LZTR1: variants seen among roughly 807,000 people sequenced by gnomAD.
The protein encoded by LZTR1 is leucine-zipper-like transcriptional regulator 1.
LZTR1 carries 260 observed loss-of-function variants against 105.7 expected under a neutral mutation model. The observed-to-expected ratio is 2.46, with a 90% CI of 2.22 to 2.72. The LOEUF (loss-of-function observed/expected upper bound fraction) is 2.72, where lower values mean the gene tolerates loss of function less well. Among genes scored for constraint, LZTR1 ranks in the 30% most tolerant of loss-of-function variants. The pLI, the probability that LZTR1 is intolerant of heterozygous loss-of-function variation, is 0.00. For missense variants in LZTR1, 1,214 were observed against 1,166.9 expected, an observed-to-expected ratio of 1.04 and a Z score of -0.59; for synonymous variants, 490 against 476.4, an observed-to-expected ratio of 1.03 and a Z score of -0.37.
In LZTR1 at chr22:20,990,711, C is replaced by T. The variant is rs58324299; in HGVS notation, c.791+186C>T. ...CTGGCAGGTCCCCAGGATATGGCTA[C>T]AGCTTAGCAAGATAAGGCCTGGCGA... On this transcript the variant is annotated intron_variant, in intron 8 of 20. Coordinates refer to ENST00000646124, the MANE Select transcript of LZTR1 (RefSeq NM_006767.4). The T allele has an allele frequency of 0.022, 13,383 of 620,166 alleles. 823 individuals are homozygous for T. The highest frequency in any genetic ancestry group is 0.18 in the East Asian group (6,210 of 34,324). 38.4% of individuals were successfully genotyped at this position (620,166 alleles called of 1,614,324 possible).
chr22:20,984,611 GGA>G (rs199709748), intron 2 of LZTR1, among the ~76,000 whole-genome samples: 1,236 of 86,256 alleles, frequency 0.014, 86 homozygotes, highest in South Asian at 0.034. Context: ...GGGCAAGTAA[GGA>G]GGGGGGGGGG....
intron 3 of LZTR1, 94 bp downstream of exon 3, chr22:20,985,991 T>G (rs1924367764): frequency 7.5e-7 from 1 of 1,338,096 alleles, no homozygotes; most frequent in African/African-American, 1.4e-5. Context: ...TCTCTCATCA[T>G]GGGAAGCTAG....
rs1261557072 is a variant in LZTR1, at chr22:20,998,394, G to A, written c.*1046G>A. The stretch of plus-strand genomic sequence containing the variant: ...TATGCTCTTGGCTCCTGTGGAAGGA[G>A]GGCTGCCCTCTTGCCCTAGTGAGGG... On this transcript the variant is annotated 3_prime_UTR_variant, in exon 21 of 21. Coordinates refer to ENST00000646124, the MANE Select transcript of LZTR1 (RefSeq NM_006767.4). 6.6e-6 allele frequency: 1 copy of A among 152,378 alleles called. No homozygotes were observed. Among genetic ancestry groups the A allele is most frequent in the Non-Finnish European group, 1.5e-5 (1 of 68,164 alleles). 9.4% of individuals were successfully genotyped at this position (152,378 alleles called of 1,614,324 possible).
chr22:20,996,360 G>A, intron 18 of LZTR1: 1 of 598,974 alleles, frequency 1.7e-6, no homozygotes, highest in South Asian at 2.0e-5. Flanking sequence ...AGAGGACGGG[G>A]TGGGTCATTG....
chr22:20,995,597 T>C, intron 16 of LZTR1, 149 bp from the exon 17 acceptor site: 1 of 955,414 alleles, frequency 1.0e-6, no homozygotes, highest in Non-Finnish European at 1.6e-6. Context: ...AGAATGTGGC[T>C]GATGGTACCT....
chr22:20,993,388 G>T, intron 11 of LZTR1: 1 of 557,396 alleles, frequency 1.8e-6, no homozygotes, highest in South Asian at 2.1e-5. Context: ...GCAGAGCTCT[G>T]CTGAGGCCTG....
intron 20 of LZTR1, 102 bp downstream of exon 20, chr22:20,997,068 C>A: frequency 7.7e-7 from 1 of 1,296,254 alleles, no homozygotes; most frequent in Non-Finnish European, 1.1e-6. Context: ...CAGTGGTGGG[C>A]CCTGGGGGTG....
Position 20,987,489 on chromosome 22 carries a change from CT to C in LZTR1, c.321-14del, listed in dbSNP as rs1289742573. The C allele has an allele frequency of 1.3e-6, 2 of 1,574,310 alleles. No individual in the cohort carries two copies. The highest frequency in any genetic ancestry group is 1.5e-5 in the African/African-American group (1 of 65,744). ...TGACCCCCGCTGACTCTCACCACCC[CT>C]GTGCCCACCCCAGGGCCTTTACCAC... On this transcript the variant is annotated splice_polypyrimidine_tract_variant and intron_variant, in intron 3 of 20. Transcript: ENST00000646124.
At position 20,994,922 on chromosome 22, in the gene LZTR1, T is replaced by G. The variant is rs963149046; in HGVS notation, c.1838T>G (p.Met613Arg). 6.2e-7 allele frequency: 1 copy of G among 1,613,254 alleles called. No homozygotes were observed. Among genetic ancestry groups the G allele is most frequent in the African/African-American group, 1.3e-5 (1 of 74,910 alleles). The change falls in exon 16 of 21, where the codon ATG becomes AGG. Residue 613 changes from methionine to arginine, a missense_variant. Met to Arg is a moderately conservative substitution (Grantham distance 91). Coordinates refer to ENST00000646124, the MANE Select transcript of LZTR1 (RefSeq NM_006767.4). Reference protein sequence around the residue: ...VKESHFNQVIMMKEFERLSSP... With the variant: ...VKESHFNQVIRMKEFERLSSP... Reference sequence around the variant, plus strand: ...GAGTCCCACTTCAACCAGGTGATCATGATGAAGGAGTTCGAGCGCCTCTCC... The same window carrying G: ...GAGTCCCACTTCAACCAGGTGATCAGGATGAAGGAGTTCGAGCGCCTCTCC...
chr22:20,992,159 G>T, intron 9 of LZTR1, 55 bp from the exon 10 acceptor site: 1 of 1,552,034 alleles, frequency 6.4e-7, no homozygotes, highest in Non-Finnish European at 8.8e-7. Flanking sequence ...GGGTCTCTGG[G>T]CACCTACCTG....
chr22:20,991,423 G>A, intron 8 of LZTR1: 1 of 580,464 alleles, frequency 1.7e-6, no homozygotes, highest in Non-Finnish European at 3.1e-6. Context: ...CCTGCGGTGG[G>A]CCACATGGAG....
At chr22:20,995,202 A>C (rs1924786787) in intron 16 of LZTR1, 176 bp downstream of exon 16, 1 of 739,454 alleles carries the variant, frequency 1.4e-6, no homozygotes, top group Non-Finnish European at 2.3e-6. Context: ...GAAGCCCCCG[A>C]CCCATGGGGC....
At chr22:20,996,139 A>G in intron 18 of LZTR1, 27 bp downstream of exon 18, 1 of 1,606,430 alleles carries the variant, frequency 6.2e-7, no homozygotes. Flanking sequence ...GTGAACTCCC[A>G]GGTCCCCACC....
At position 20,992,235 on chromosome 22, in the gene LZTR1, G is replaced by T. The variant is rs780578255; in HGVS notation, c.1015G>T (p.Glu339Ter). The change falls in exon 10 of 21, where the codon GAG becomes TAG. Residue 339 changes from glutamate (E) to a stop codon, truncating the protein, a stop_gained. Coordinates refer to ENST00000646124, the MANE Select transcript of LZTR1 (RefSeq NM_006767.4). LOFTEE classifies it high-confidence loss of function. ...TCAGGTTGGTGGGGCTGAAGTGCCCGAGCGAGCCTGTGCTTCCGAGGAGGT... is the reference window on the plus strand; with the variant it reads ...TCAGGTTGGTGGGGCTGAAGTGCCCTAGCGAGCCTGTGCTTCCGAGGAGGT... ...DSEVGGAEVP[E>*]RACASEEVPT... The T allele has an allele frequency of 6.2e-7, 1 of 1,613,704 alleles. No individual in the cohort carries two copies. Among genetic ancestry groups the T allele is most frequent in the South Asian group, 1.1e-5 (1 of 91,068 alleles).
At position 20,994,917 on chromosome 22, in the gene LZTR1, G is replaced by C. The variant is rs770260964; in HGVS notation, c.1833G>C (p.Val611=). 1.6e-5 allele frequency: 26 copies of C among 1,613,426 alleles called. No individual in the cohort carries two copies. The highest frequency in any genetic ancestry group is 2.5e-6 in the Non-Finnish European group (3 of 1,180,010). ...TAAAGGAGTCCCACTTCAACCAGGTGATCATGATGAAGGAGTTCGAGCGCC... is the reference window on the plus strand; with the variant it reads ...TAAAGGAGTCCCACTTCAACCAGGTCATCATGATGAAGGAGTTCGAGCGCC... ...FVVKESHFNQ[V]IMMKEFERLS... The change falls in exon 16 of 21, where the codon GTG becomes GTC. Residue 611 remains valine (V), a synonymous_variant. Transcript: ENST00000646124.
At chr22:20,987,191 C>A in intron 3 of LZTR1, 1 of 241,672 alleles carries the variant, frequency 4.1e-6, no homozygotes. Flanking sequence ...GTCAGAACTT[C>A]AAGACCAGCC....
rs1469540056 is a variant in LZTR1 at position 20,982,433 on chromosome 22, G to T, written c.62G>T (p.Arg21Leu). ...IGAAALAGGA[R>L]SKVAPSVDFD... The stretch of plus-strand genomic sequence containing the variant: ...GCTGCGGCCCTGGCAGGCGGCGCGC[G>T]GTCCAAGGTAGCCCCGAGCGTGGAC... The change falls in exon 1 of 21, where the codon CGG becomes CTG. Residue 21 changes from arginine to leucine, a missense_variant. By Grantham distance (102) the Arg-to-Leu change is moderately radical (BLOSUM62 -2). Coordinates refer to ENST00000646124, the MANE Select transcript of LZTR1 (RefSeq NM_006767.4). The T allele has an allele frequency of 6.3e-7, 1 of 1,582,614 alleles. No individual in the cohort carries two copies. Among genetic ancestry groups the T allele is most frequent in the Admixed American group, 1.8e-5 (1 of 55,422 alleles).
chr22:20,993,336 G>A, intron 11 of LZTR1: 1 of 485,998 alleles, frequency 2.1e-6, no homozygotes, highest in Non-Finnish European at 3.7e-6. Context: ...ATGTGCTGGT[G>A]GGGGCCAGTG....
In LZTR1 at chr22:20,985,831, T is replaced by C. The variant is rs1018087434; in HGVS notation, c.264-10T>C. On this transcript the variant is annotated splice_polypyrimidine_tract_variant and intron_variant, in intron 2 of 20. Coordinates refer to ENST00000646124, the MANE Select transcript of LZTR1 (RefSeq NM_006767.4). ...GGCTAATGCCACCCTCTCTTCCGGCTGCCTTTCAGGAAGACCATGCTCAAT... is the reference window on the plus strand; with the variant it reads ...GGCTAATGCCACCCTCTCTTCCGGCCGCCTTTCAGGAAGACCATGCTCAAT... 1 of 1,613,936 alleles carries C rather than the reference T, an allele frequency of 6.2e-7. No homozygotes were observed. Among genetic ancestry groups the C allele is most frequent in the African/African-American group, 1.3e-5 (1 of 74,924 alleles).
Sources: gnomAD v4.1 joint callset for allele counts (sites outside exome capture counted in the v4.1 genomes callset) on GRCh38, gnomAD v4.1.1 for gene constraint, MANE v1.5 for transcripts, NCBI Gene and HGNC (gene_info 2026-07-23, HGNC 2026-07-21) for gene names.